CRIPT: variants seen among roughly 807,000 people sequenced by gnomAD.
CRIPT encodes CXXC repeat containing interactor of PDZ3 domain.
CRIPT carries 20 observed loss-of-function variants against 16.6 expected under a neutral mutation model. That is an observed-to-expected ratio of 1.20 (90% CI 0.85 to 1.75). The LOEUF (loss-of-function observed/expected upper bound fraction) is 1.75, where lower values mean the gene tolerates loss of function less well. Among genes scored for constraint, CRIPT ranks in the 40% most tolerant of loss-of-function variants. The probability of loss-of-function intolerance (pLI) is 0.00; values close to 1 mark genes in which losing one functional copy is unlikely to be tolerated. For missense variants in CRIPT, 133 were observed against 115.3 expected (o/e 1.15, Z -0.70); for synonymous variants, 42 against 37.0 (o/e 1.14, Z -0.49).
intron 1 of CRIPT, among the ~76,000 whole-genome samples, chr2:46,617,871 C>A (rs900300737): frequency 6.6e-6 from 1 of 151,960 alleles, no homozygotes; most frequent in Admixed American, 6.6e-5. Flanking sequence ...TGGAACCTGG[C>A]GTTCAGGACC....
intron 3 of CRIPT, 116 bp downstream of exon 3, chr2:46,619,797 C>A: frequency 1.3e-6 from 1 of 746,744 alleles, no homozygotes; most frequent in Non-Finnish European, 2.2e-6. Flanking sequence ...TTAGGTGGTT[C>A]CTAGCACTCA....
intron 3 of CRIPT, among the ~76,000 whole-genome samples, chr2:46,621,311 T>C (rs1046038204): frequency 6.6e-6 from 1 of 152,192 alleles, no homozygotes; most frequent in African/African-American, 2.4e-5. Context: ...ATATGCTGTC[T>C]TTATTAGTTC....
intron 1 of CRIPT, among the ~76,000 whole-genome samples, chr2:46,618,281 A>G (rs1670715696): frequency 1.4e-5 from 2 of 147,684 alleles, no homozygotes; most frequent in African/African-American, 5.3e-5. Flanking sequence ...TGAAAACTAT[A>G]GACTCTTGCC....
Position 46,623,802 on chromosome 2 carries a change from G to C in CRIPT, c.176G>C (p.Arg59Thr). Residue 59 changes from arginine (R) to threonine (T), a missense_variant, in exon 4 of 5, where the codon AGA becomes ACA. Transcript: ENST00000238892. ...PYGKNKFSTC[R>T]ICKSSVHQPG... Reference sequence around the variant, plus strand: ...GGAAAGAATAAGTTCTCCACTTGTAGAATTTGTAAAAGTTCTGTGCACCAA... The same window carrying C: ...GGAAAGAATAAGTTCTCCACTTGTACAATTTGTAAAAGTTCTGTGCACCAA... The C allele has an allele frequency of 1.2e-6, 2 of 1,610,300 alleles. No homozygotes were observed. Among genetic ancestry groups the C allele is most frequent in the Non-Finnish European group, 1.7e-6 (2 of 1,177,924 alleles).
rs1670920848 is a variant in CRIPT at position 46,625,644 on chromosome 2, T to A, written c.*1417T>A. 6.6e-6 allele frequency: 1 copy of A among 152,154 alleles called. No homozygotes were observed. Among genetic ancestry groups the A allele is most frequent in the African/African-American group, 2.4e-5 (1 of 41,436 alleles). The allele number at this position is 152,154 out of a possible 1,614,324, so 9.4% of individuals were successfully genotyped here. A position where few individuals can be genotyped will look rare whatever the true frequency, so the allele number is the denominator to read the frequency against. On this transcript the variant is annotated 3_prime_UTR_variant, in exon 5 of 5. Coordinates refer to ENST00000238892, the MANE Select transcript of CRIPT (RefSeq NM_014171.6). ...ATTTAAAGTTTTAACTTTATAAGGC[T>A]TTTCAAAATGTGTTTTTCTGAGATA...
Position 46,624,313 on chromosome 2 carries a change from C to A in CRIPT, c.*86C>A. On this transcript the variant is annotated 3_prime_UTR_variant, in exon 5 of 5. Coordinates refer to ENST00000238892, the MANE Select transcript of CRIPT (RefSeq NM_014171.6). ...GCATAGATGTCAACTTACAGAATAA[C>A]ATGTTTTAAGATAATTAAGTTTAAA... 1.2e-6 allele frequency: 1 copy of A among 830,956 alleles called. No homozygotes were observed. Among genetic ancestry groups the A allele is most frequent in the Non-Finnish European group, 1.8e-6 (1 of 554,532 alleles). 51.5% of individuals were successfully genotyped at this position (830,956 alleles called of 1,614,324 possible).
chr2:46,623,657 T>C (rs768743442), intron 3 of CRIPT, 107 bp from the exon 4 acceptor site: 27 of 606,796 alleles, frequency 4.4e-5, no homozygotes, highest in Admixed American at 3.3e-4. Context: ...TAGAGGTTGA[T>C]GGAGGGATGG....
Position 46,624,041 on chromosome 2 carries a change from A to AT in CRIPT, c.242-112dup, listed in dbSNP as rs11333819. ...TAATTAAAATTATATATATATATAT[A>AT]TTTTTTTTTTCTTTTCTTTTCTTTC... is the stretch of plus-strand genomic sequence containing the variant. On this transcript the variant is annotated intron_variant, in intron 4 of 4. Transcript: ENST00000238892. 2.7e-3 allele frequency: 1,024 copies of AT among 373,688 alleles called. 2 individuals carry two copies. Among genetic ancestry groups the AT allele is most frequent in the South Asian group, 0.011 (90 of 8,178 alleles). The allele number at this position is 373,688 out of a possible 1,614,324, so 23.1% of individuals were successfully genotyped here.
chr2:46,623,957 A>G (rs576108671), intron 4 of CRIPT, 90 bp downstream of exon 4: 223 of 911,984 alleles, frequency 2.4e-4, no homozygotes, highest in Non-Finnish European at 3.5e-4. Context: ...CCTGTCATAA[A>G]TTCTGTTAGC....
chr2:46,618,726 A>C, intron 1 of CRIPT, 47 bp from the exon 2 acceptor site: 1 of 1,255,174 alleles, frequency 8.0e-7, no homozygotes, highest in Non-Finnish European at 1.2e-6. Context: ...TAATGCACTT[A>C]TTAAATAATA....
rs1310840595 is a variant in CRIPT at position 46,629,179 on chromosome 2, A to G, written c.*4952A>G. Among the ~76,000 whole-genome samples the G allele has an allele frequency of 2.6e-5, 4 of 152,224 alleles. No individual in the cohort carries two copies. Among genetic ancestry groups the G allele is most frequent in the African/African-American group, 9.6e-5 (4 of 41,460 alleles). ...TTTTCTCTGGAGTGGGTGTAAGGGT[A>G]GAGACTTAACTCTTTACATCCTTAT... On this transcript the variant is annotated 3_prime_UTR_variant, in exon 5 of 5. Coordinates refer to ENST00000238892, the MANE Select transcript of CRIPT (RefSeq NM_014171.6).
chr2:46,621,174 G>A (rs987997982), intron 3 of CRIPT, among the ~76,000 whole-genome samples: 1 of 151,970 alleles, frequency 6.6e-6, no homozygotes, highest in African/African-American at 2.4e-5. Context: ...CTTAAAATCC[G>A]CCACTGGTTT....
chr2:46,619,536 A>G, intron 2 of CRIPT, 91 bp from the exon 3 acceptor site: 1 of 787,096 alleles, frequency 1.3e-6, no homozygotes, highest in Non-Finnish European at 2.0e-6. Flanking sequence ...ATAGACTACT[A>G]TTTTGGTAGA....
At position 46,624,560 on chromosome 2, in the gene CRIPT, G is replaced by A. The variant is rs1164602527; in HGVS notation, c.*333G>A. On this transcript the variant is annotated 3_prime_UTR_variant, in exon 5 of 5. Transcript: ENST00000238892. ...ATAGATACTGCAAAAGTGAGAAGGA[G>A]ATAATAGATACTTTGCTCTGAATTT... is the stretch of plus-strand genomic sequence containing the variant. The A allele has an allele frequency of 6.0e-6, 1 of 166,966 alleles. No individual in the cohort carries two copies. The highest frequency in any genetic ancestry group is 6.4e-5 in the Admixed American group (1 of 15,734). 10.3% of individuals were successfully genotyped at this position (166,966 alleles called of 1,614,324 possible).
At position 46,629,586 on chromosome 2, in the gene CRIPT, A is replaced by G. The variant is rs918844023; in HGVS notation, c.*5359A>G. ...ATACAGGACAGCTAAAGGATAGAGT[A>G]TCCTTCTATTTGGGTTTTTCTGATG... is the stretch of plus-strand genomic sequence containing the variant. On this transcript the variant is annotated 3_prime_UTR_variant, in exon 5 of 5. Transcript: ENST00000238892. Among the ~76,000 whole-genome samples, 1 of 152,166 alleles carries G rather than the reference A, an allele frequency of 6.6e-6. No individual in the cohort carries two copies. The highest frequency in any genetic ancestry group is 1.5e-5 in the Non-Finnish European group (1 of 68,024).
At position 46,629,023 on chromosome 2, in the gene CRIPT, A is replaced by G. The variant is rs1671010520; in HGVS notation, c.*4796A>G. Among the ~76,000 whole-genome samples, 1 of 152,248 alleles carries G rather than the reference A, an allele frequency of 6.6e-6. No homozygotes were observed. The highest frequency in any genetic ancestry group is 2.4e-5 in the African/African-American group (1 of 41,470). ...ATAAAAGATACTAGAAACAAATGCC[A>G]ATAGAACACTTAAGTACATTTTATA... On this transcript the variant is annotated 3_prime_UTR_variant, in exon 5 of 5. Coordinates refer to ENST00000238892, the MANE Select transcript of CRIPT (RefSeq NM_014171.6).
Position 46,627,441 on chromosome 2 carries a change from C to CTT in CRIPT, c.*3228_*3229dup, listed in dbSNP as rs371471601. ...ATAGCTTGAAGTCTTACATTTAAATCTTTTTTTTTTTTTTTCCCCAAAGAC... is the reference window on the plus strand; with the variant it reads ...ATAGCTTGAAGTCTTACATTTAAATCTTTTTTTTTTTTTTTTTCCCCAAAGAC... On this transcript the variant is annotated 3_prime_UTR_variant, in exon 5 of 5. Transcript: ENST00000238892. Among the ~76,000 whole-genome samples, 12 of 141,964 alleles carry CTT rather than the reference C, an allele frequency of 8.5e-5. No homozygotes were observed. The highest frequency in any genetic ancestry group is 1.4e-4 in the Non-Finnish European group (9 of 64,918). The allele number at this position is 141,964 out of a possible 152,430, so 93.1% of individuals were successfully genotyped here.
At chr2:46,620,236 C>A (rs1474179413) in intron 3 of CRIPT, among the ~76,000 whole-genome samples, 2 of 152,084 alleles carry the variant, frequency 1.3e-5, no homozygotes, top group Non-Finnish European at 2.9e-5. Context: ...ATTATCTGAG[C>A]CCAGGAGTTT....
Position 46,624,524 on chromosome 2 carries a change from C to T in CRIPT, c.*297C>T, listed in dbSNP as rs1216280469. On this transcript the variant is annotated 3_prime_UTR_variant, in exon 5 of 5. Transcript: ENST00000238892. The stretch of plus-strand genomic sequence containing the variant: ...CATTATTCATATAATTCTCCCCCCA[C>T]CACTTTATTTATAGATACTGCAAAA... 1 of 199,030 alleles carries T rather than the reference C, an allele frequency of 5.0e-6. No individual in the cohort carries two copies. The highest frequency in any genetic ancestry group is 1.0e-5 in the Non-Finnish European group (1 of 98,986). 12.3% of individuals were successfully genotyped at this position (199,030 alleles called of 1,614,324 possible).
Sources: allele counts gnomAD v4.1 joint callset (sites outside exome capture counted in the v4.1 genomes callset), GRCh38; gene constraint gnomAD v4.1.1; transcripts MANE v1.5; gene names NCBI Gene and HGNC (gene_info 2026-07-23, HGNC 2026-07-21).